Variants in ABCA13 observed in about 807,000 individuals in gnomAD.
The protein encoded by ABCA13 is ATP binding cassette subfamily A member 13.
A neutral mutation model predicts 478.7 loss-of-function variants in ABCA13; 476 were observed. The ratio of observed to expected loss-of-function variants is 0.99; its 90% CI spans 0.92 to 1.07. ABCA13 has a LOEUF of 1.07. Among genes scored for constraint, ABCA13 ranks in the 50% least tolerant of loss-of-function variants. ABCA13 has a pLI of 0.00. For synonymous variants in ABCA13, 2,252 were observed against 2,158.9 expected, an observed-to-expected ratio of 1.04 and a Z score of -1.20; for missense variants, 6,060 against 5,910.6, an observed-to-expected ratio of 1.03 and a Z score of -0.83.
rs756835601 is a variant in ABCA13, at chr7:48,272,935, C to T, written c.3269C>T (p.Ser1090Leu). The part of the protein sequence containing the change: ...FQYMSQFFNS[S>L]VEDLLDNKCL... The stretch of plus-strand genomic sequence containing the variant: ...TATATGAGCCAATTCTTCAACAGTT[C>T]AGTAGAAGACCTATTGGATAATAAA... The change falls in exon 17 of 62, where the codon TCA (serine) becomes TTA (leucine). Residue 1090 changes from serine (S) to leucine (L), a missense_variant. Coordinates refer to ENST00000435803, the MANE Select transcript of ABCA13 (RefSeq NM_152701.5). 1 of 1,613,024 alleles carries T rather than the reference C, an allele frequency of 6.2e-7. No individual in the cohort carries two copies. Among genetic ancestry groups the T allele is most frequent in the Non-Finnish European group, 8.5e-7 (1 of 1,179,416 alleles).
Position 48,536,199 on chromosome 7 carries a change from T to C in ABCA13, c.14354+7854T>C, listed in dbSNP as rs568210060. On this transcript the variant is annotated intron_variant, in intron 55 of 61. Transcript: ENST00000435803. ...CTCCTTATTGCTTTCCTTAGAACTA[T>C]CAAAACAATGTTAAATGGCAATGCA... 2.6e-5 allele frequency among the ~76,000 whole-genome samples: 4 copies of C among 152,348 alleles called. 1 individual carries two copies. Among genetic ancestry groups the C allele is most frequent in the African/African-American group, 9.6e-5 (4 of 41,590 alleles).
At chr7:48,566,749 G>GGGAT (rs1221803892) in intron 55 of ABCA13, among the ~76,000 whole-genome samples, 1 of 152,144 alleles carries the variant, frequency 6.6e-6, no homozygotes, top group Non-Finnish European at 1.5e-5. Flanking sequence ...GGTCTTCGTA[G>GGGAT]ATCCTTATTT....
At chr7:48,313,967 TTATGTGTGTGTGTG>T (rs1802150177) in intron 25 of ABCA13, among the ~76,000 whole-genome samples, 1 of 143,760 alleles carries the variant, frequency 7.0e-6, no homozygotes, top group East Asian at 2.0e-4. Context: ...GTGTAAGGAC[TTATGTGTGTGTGTG>T]TATGTGTGTG....
At chr7:48,198,156 A>T in intron 2 of ABCA13, 81 bp from the exon 3 acceptor site, 1 of 1,337,032 alleles carries the variant, frequency 7.5e-7, no homozygotes, top group Non-Finnish European at 1.0e-6. Context: ...ATGATGTTAT[A>T]TATTACAATT....
intron 55 of ABCA13, among the ~76,000 whole-genome samples, chr7:48,577,061 G>A (rs553468327): frequency 6.6e-6 from 1 of 152,250 alleles, no homozygotes; most frequent in East Asian, 1.9e-4. Context: ...ATCACAGTTT[G>A]TGGAATACAG....
At chr7:48,580,934 A>G (rs973264489) in intron 56 of ABCA13, among the ~76,000 whole-genome samples, 5 of 152,148 alleles carry the variant, frequency 3.3e-5, no homozygotes, top group Admixed American at 1.3e-4. Context: ...TGCCTGTGAC[A>G]GGAGAGAGGC....
chr7:48,410,321 C>T (rs1248338455), intron 39 of ABCA13, among the ~76,000 whole-genome samples, 199 bp from the exon 40 acceptor site: 1 of 152,054 alleles, frequency 6.6e-6, no homozygotes, highest in African/African-American at 2.4e-5. Context: ...ATGGGAGATC[C>T]GTGGAAACTA....
Position 48,272,881 on chromosome 7 carries a change from A to C in ABCA13, c.3215A>C (p.Asp1072Ala), listed in dbSNP as rs1302375031. Reference sequence around the variant, plus strand: ...GGCCTCAAACAGCTGCTCATAATTGATGAAGATTTTCGTATTTCTTTATTT... The same window carrying C: ...GGCCTCAAACAGCTGCTCATAATTGCTGAAGATTTTCGTATTTCTTTATTT... ...LTGLKQLLII[D>A]EDFRISLFQY... The change falls in exon 17 of 62, where the codon GAT (aspartate) becomes GCT (alanine). Residue 1072 changes from aspartate (D) to alanine (A), a missense_variant. By Grantham distance (126) the Asp-to-Ala change is moderately radical (BLOSUM62 -2). Transcript: ENST00000435803. 1 of 1,608,522 alleles carries C rather than the reference A, an allele frequency of 6.2e-7. No homozygotes were observed. The highest frequency in any genetic ancestry group is 8.5e-7 in the Non-Finnish European group (1 of 1,176,806).
At chr7:48,244,997 G>A (rs368114670) in intron 11 of ABCA13, among the ~76,000 whole-genome samples, 43 of 152,026 alleles carry the variant, frequency 2.8e-4, no homozygotes, top group Admixed American at 5.2e-4. Flanking sequence ...TCACATTCAC[G>A]GCAGCATCTG....
intron 43 of ABCA13, among the ~76,000 whole-genome samples, chr7:48,465,050 C>T (rs1333626807): frequency 1.3e-5 from 2 of 152,108 alleles, no homozygotes; most frequent in Non-Finnish European, 2.9e-5. Flanking sequence ...CCCAATCAAA[C>T]AGTGGTTCTC....
intron 31 of ABCA13, among the ~76,000 whole-genome samples, chr7:48,366,970 G>C (rs1028269740): frequency 6.6e-6 from 1 of 152,130 alleles, no homozygotes; most frequent in Non-Finnish European, 1.5e-5. Flanking sequence ...GCTCATTCAT[G>C]TATCACCAGC....
At chr7:48,194,933 T>G (rs937988041) in intron 2 of ABCA13, among the ~76,000 whole-genome samples, 7 of 152,228 alleles carry the variant, frequency 4.6e-5, no homozygotes, top group Admixed American at 1.3e-4. Context: ...CAAGGCATTT[T>G]CCCTGCCTTT....
At chr7:48,529,412 A>G (rs1013037549) in intron 55 of ABCA13, among the ~76,000 whole-genome samples, 1 of 151,934 alleles carries the variant, frequency 6.6e-6, no homozygotes, top group African/African-American at 2.4e-5. Flanking sequence ...CCAGGCATCT[A>G]TCTTTCTTTT....
Position 48,276,307 on chromosome 7 carries a change from A to T in ABCA13, c.6641A>T (p.Asn2214Ile), listed in dbSNP as rs759609976. 1.7e-5 allele frequency: 26 copies of T among 1,555,606 alleles called. No homozygotes were observed. The highest frequency in any genetic ancestry group is 2.3e-5 in the Non-Finnish European group (26 of 1,149,758). ...LFENILINLINNLAGNSQEAA... is the reference protein window; with the variant it reads ...LFENILINLIINLAGNSQEAA... ...GAAAACATCCTAATTAATTTGATCA[A>T]TAACTTAGCTGGGAATTCTCAGGAA... The change falls in exon 17 of 62, where the codon AAT (asparagine) becomes ATT (isoleucine). Residue 2214 changes from asparagine (N) to isoleucine (I), a missense_variant. Asn to Ile is a moderately radical substitution (Grantham distance 149). Around this residue, in one of 3 missense-constraint regions of ABCA13, gnomAD observed 4,423 missense variants for 4,309.1 expected, o/e 1.03. Coordinates refer to ENST00000435803, the MANE Select transcript of ABCA13 (RefSeq NM_152701.5).
In ABCA13 at chr7:48,227,227, G is replaced by C. The variant is rs1195266442; in HGVS notation, c.469-35G>C. 3 of 1,609,254 alleles carry C rather than the reference G, an allele frequency of 1.9e-6. No individual in the cohort carries two copies. The East Asian group carries it at 6.7e-5, about 36-fold the overall frequency. ...CATTTACTTTATTAATAAAACTCCA[G>C]AGGGAAACTTTTGGTGTATTTTTTT... On this transcript the variant is annotated intron_variant, in intron 5 of 61. Coordinates refer to ENST00000435803, the MANE Select transcript of ABCA13 (RefSeq NM_152701.5).
intron 27 of ABCA13, among the ~76,000 whole-genome samples, chr7:48,323,761 C>A (rs1280503459): frequency 6.6e-6 from 1 of 152,148 alleles, no homozygotes; most frequent in Non-Finnish European, 1.5e-5. Flanking sequence ...GTGCCCCCAC[C>A]CACATCTCAT....
chr7:48,281,643 C>G (rs1357550074), intron 19 of ABCA13, among the ~76,000 whole-genome samples, 191 bp downstream of exon 19: 1 of 152,152 alleles, frequency 6.6e-6, no homozygotes, highest in African/African-American at 2.4e-5. Context: ...CTACTCCAGC[C>G]AAATTGAACG....
intron 50 of ABCA13, among the ~76,000 whole-genome samples, chr7:48,508,792 G>GTGC (rs1374734449): frequency 2.6e-5 from 4 of 152,164 alleles, no homozygotes; most frequent in Non-Finnish European, 5.9e-5. Context: ...CATGCACTAG[G>GTGC]TGCTGTCTGA....
At chr7:48,283,252 G>T (rs899084724) in intron 19 of ABCA13, among the ~76,000 whole-genome samples, 5 of 152,120 alleles carry the variant, frequency 3.3e-5, no homozygotes, top group Admixed American at 6.5e-5. Context: ...CCAGGAGTAT[G>T]GACCAGCATC....
Sources: allele counts gnomAD v4.1 joint callset (sites outside exome capture counted in the v4.1 genomes callset), GRCh38; gene constraint gnomAD v4.1.1; regional missense constraint gnomAD v4.1.1; transcripts MANE v1.5; gene names NCBI Gene and HGNC (gene_info 2026-07-23, HGNC 2026-07-21).